Variants in SYNJ1 observed in about 807,000 individuals in gnomAD.
SYNJ1 encodes the protein polyphosphatidylinositol phosphatase SYNJ1.
Under a neutral mutation model 168.2 loss-of-function variants are expected in SYNJ1, and 78 were observed. The ratio of observed to expected loss-of-function variants is 0.46; its 90% CI spans 0.39 to 0.56. The LOEUF (loss-of-function observed/expected upper bound fraction) is 0.56, where lower values mean the gene tolerates loss of function less well. SYNJ1 is among the 20% of genes least tolerant of loss of function. The pLI is 0.00. For synonymous variants in SYNJ1, 539 were observed against 548.6 expected, an observed-to-expected ratio of 0.98 and a Z score of 0.24; for missense variants, 1,303 against 1,597.6, an observed-to-expected ratio of 0.82 and a Z score of 3.14.
At chr21:32,638,803 GTATT>G (rs1455171088) in intron 31 of SYNJ1, 101 bp downstream of exon 31, 8 of 1,074,568 alleles carry the variant, frequency 7.4e-6, no homozygotes, top group Non-Finnish European at 1.0e-5. Flanking sequence ...ATTAAAACTC[GTATT>G]TATTTTTACT....
chr21:32,690,067 A>G (rs2041967049), intron 6 of SYNJ1, among the ~76,000 whole-genome samples: 1 of 152,222 alleles, frequency 6.6e-6, no homozygotes, highest in Admixed American at 6.5e-5. Flanking sequence ...GCAACGGTGC[A>G]TAAGGTGAAA....
chr21:32,707,979 G>A (rs890427097), intron 2 of SYNJ1, among the ~76,000 whole-genome samples: 1 of 152,164 alleles, frequency 6.6e-6, no homozygotes, highest in African/African-American at 2.4e-5. Context: ...ATGTGCCACC[G>A]CACTCCAGCC....
At chr21:32,659,033 C>T (rs1446594526) in intron 18 of SYNJ1, among the ~76,000 whole-genome samples, 4 of 151,634 alleles carry the variant, frequency 2.6e-5, no homozygotes, top group Admixed American at 6.6e-5. Context: ...AATGTGGTGC[C>T]CAAAGATTCA....
chr21:32,631,244 A>C lies in SYNJ1; in HGVS notation c.*561T>G. 1 of 1,614,208 alleles carries C rather than the reference A, an allele frequency of 6.2e-7. No individual in the cohort carries two copies. Among genetic ancestry groups the C allele is most frequent in the Non-Finnish European group, 8.5e-7 (1 of 1,180,040 alleles). ...AAGCTGACTTTGACTTCCCTTTCAC[A>C]CCAAAATCCTCTTCTTCCTCGAAGG... On this transcript the variant is annotated 3_prime_UTR_variant, in exon 33 of 33. Coordinates refer to ENST00000674351, the MANE Select transcript of SYNJ1 (RefSeq NM_203446.3).
intron 2 of SYNJ1, among the ~76,000 whole-genome samples, chr21:32,712,833 T>C (rs1466732443): frequency 6.6e-6 from 1 of 152,186 alleles, no homozygotes; most frequent in Non-Finnish European, 1.5e-5. Flanking sequence ...GTGACCTTTA[T>C]AGTGAGACAG....
chr21:32,683,948 T>G, intron 10 of SYNJ1, 90 bp downstream of exon 10: 1 of 1,142,716 alleles, frequency 8.8e-7, no homozygotes, highest in Non-Finnish European at 1.3e-6. Context: ...TACATACACT[T>G]TCTGGAAGGT....
At chr21:32,677,613 A>G (rs2041463028) in intron 12 of SYNJ1, among the ~76,000 whole-genome samples, 1 of 152,164 alleles carries the variant, frequency 6.6e-6, no homozygotes, top group Non-Finnish European at 1.5e-5. Context: ...TCAAGTCTCT[A>G]CTTTTGGAAG....
rs188659046 is a variant in SYNJ1, at chr21:32,642,617, T to A, written c.3479-484A>T. The stretch of plus-strand genomic sequence containing the variant: ...GCTGTAGATGTCACTGTGGATAAGG[T>A]TATCTTATGATGAGATCTTTCGGAT... On this transcript the variant is annotated intron_variant, in intron 27 of 32. Coordinates refer to ENST00000674351, the MANE Select transcript of SYNJ1 (RefSeq NM_203446.3). Among the ~76,000 whole-genome samples, 620 of 152,352 alleles carry A rather than the reference T, an allele frequency of 4.1e-3. 5 individuals carry two copies. In the Middle Eastern group the frequency reaches 0.058, roughly 14 times the overall value.
chr21:32,704,129 T>C (rs1170465059), intron 2 of SYNJ1, among the ~76,000 whole-genome samples: 1 of 152,234 alleles, frequency 6.6e-6, no homozygotes, highest in Non-Finnish European at 1.5e-5. Context: ...AACTATCTTC[T>C]CATTAATTAC....
intron 2 of SYNJ1, among the ~76,000 whole-genome samples, chr21:32,706,385 T>C (rs934628779): frequency 1.3e-5 from 2 of 152,126 alleles, no homozygotes; most frequent in African/African-American, 4.8e-5. Context: ...TATGATAGTT[T>C]TACAAGAGAA....
chr21:32,690,952 T>C (rs971471810), intron 6 of SYNJ1, among the ~76,000 whole-genome samples: 13 of 152,234 alleles, frequency 8.5e-5, no homozygotes, highest in Admixed American at 2.0e-4. Flanking sequence ...TTAAAGGTAT[T>C]TTTAAAAATC....
chr21:32,694,097 T>G lies in SYNJ1; in HGVS notation c.789+131A>C, dbSNP rs554499966. ...ACTCTGTACTCGTCTAGACCCTTAT[T>G]TGCAAATCCAGCTAACATTATTAGA... On this transcript the variant is annotated intron_variant, in intron 6 of 32. Coordinates refer to ENST00000674351, the MANE Select transcript of SYNJ1 (RefSeq NM_203446.3). 10 of 591,548 alleles carry G rather than the reference T, an allele frequency of 1.7e-5. No homozygotes were observed. In the African/African-American group the frequency reaches 2.0e-4, roughly 12 times the overall value. The allele number at this position is 591,548 out of a possible 1,614,324, so 36.6% of individuals were successfully genotyped here.
chr21:32,719,127 G>C (rs1340676210), intron 2 of SYNJ1, among the ~76,000 whole-genome samples: 2 of 152,190 alleles, frequency 1.3e-5, no homozygotes, highest in African/African-American at 2.4e-5. Context: ...TGTGTCAAAT[G>C]CCACATCTCC....
chr21:32,634,850 T>C lies in SYNJ1; in HGVS notation c.*3+11A>G, dbSNP rs545547232. 4 of 1,613,612 alleles carry C rather than the reference T, an allele frequency of 2.5e-6. No homozygotes were observed. The highest frequency in any genetic ancestry group is 1.7e-5 in the Admixed American group (1 of 60,016). ...TGAAAACACATGTAAGATTGATAAATTGTCAGATACCTGTTACCCTGATGG... is the reference window on the plus strand; with the variant it reads ...TGAAAACACATGTAAGATTGATAAACTGTCAGATACCTGTTACCCTGATGG... On this transcript the variant is annotated intron_variant, in intron 32 of 32. Coordinates refer to ENST00000674351, the MANE Select transcript of SYNJ1 (RefSeq NM_203446.3).
intron 2 of SYNJ1, among the ~76,000 whole-genome samples, chr21:32,703,880 A>AT (rs2042503005): frequency 1.3e-5 from 2 of 151,792 alleles, no homozygotes; most frequent in African/African-American, 4.8e-5. Flanking sequence ...TGTCCAGCTA[A>AT]TTTTTTTTAT....
Position 32,701,986 on chromosome 21 carries a change from G to A in SYNJ1, c.186C>T (p.Leu62=). The A allele has an allele frequency of 6.4e-7, 1 of 1,566,252 alleles. No individual in the cohort carries two copies. Among genetic ancestry groups the A allele is most frequent in the Non-Finnish European group, 8.7e-7 (1 of 1,148,492 alleles). The change falls in exon 3 of 33, where the codon CTC becomes CTT. Residue 62 remains leucine, a synonymous_variant. Transcript: ENST00000674351. ...TYSKVLDAYG[L]LGVLRLNLGD... Reference sequence around the variant, plus strand: ...CAAGATTTAACCGCAGAACACCTAAGAGTCCATATGCATCCAGTACTTTGG... The same window carrying A: ...CAAGATTTAACCGCAGAACACCTAAAAGTCCATATGCATCCAGTACTTTGG...
At chr21:32,637,035 GAT>G (rs1491318999) in intron 31 of SYNJ1, among the ~76,000 whole-genome samples, 3 of 152,266 alleles carry the variant, frequency 2.0e-5, no homozygotes, top group Middle Eastern at 6.8e-3. Context: ...CTGAGAAAAT[GAT>G]ATGTGTCTTA....
chr21:32,689,594 G>A (rs1239435778), intron 6 of SYNJ1, among the ~76,000 whole-genome samples: 3 of 152,204 alleles, frequency 2.0e-5, no homozygotes, highest in East Asian at 1.9e-4. Flanking sequence ...CGCGCCCCGC[G>A]CAAAGTGCTT....
intron 13 of SYNJ1, among the ~76,000 whole-genome samples, 194 bp from the exon 14 acceptor site, chr21:32,673,725 A>G (rs2041294037): frequency 1.3e-5 from 2 of 151,360 alleles, no homozygotes; most frequent in Admixed American, 6.6e-5. Context: ...ATTAACCAAC[A>G]CATCTTTAAA....
Sources: gnomAD v4.1 joint callset for allele counts (sites outside exome capture counted in the v4.1 genomes callset) on GRCh38, gnomAD v4.1.1 for gene constraint, MANE v1.5 for transcripts, NCBI Gene and HGNC (gene_info 2026-07-23, HGNC 2026-07-21) for gene names.